MAST4: variants seen among roughly 807,000 people sequenced by gnomAD.
The protein encoded by MAST4 is microtubule-associated serine/threonine-protein kinase 4.
A neutral mutation model predicts 162.7 loss-of-function variants in MAST4; 89 were observed. The ratio of observed to expected loss-of-function variants is 0.55; its 90% CI spans 0.46 to 0.65. The LOEUF (loss-of-function observed/expected upper bound fraction) is 0.65. Ranked by LOEUF, MAST4 falls within the 30% of genes least tolerant of loss-of-function variation. The pLI, the probability that MAST4 is intolerant of heterozygous loss-of-function variation, is 0.00. For synonymous variants in MAST4, 1,479 were observed against 1,361.1 expected, an observed-to-expected ratio of 1.09 and a Z score of -1.91; for missense variants, 3,153 against 3,374.0, an observed-to-expected ratio of 0.93 and a Z score of 1.62.
chr5:66,780,968 A>C (rs2149660181), intron 2 of MAST4, among the ~76,000 whole-genome samples: 1 of 152,298 alleles, frequency 6.6e-6, no homozygotes, highest in South Asian at 2.1e-4. Flanking sequence ...TCAATACAAT[A>C]TCTCACCTTT....
At chr5:66,774,995 CTGTGTGTGTGTGTGTGTGTG>C (rs33936607) in intron 2 of MAST4, among the ~76,000 whole-genome samples, 3 of 142,028 alleles carry the variant, frequency 2.1e-5, no homozygotes, top group South Asian at 2.4e-4. Flanking sequence ...TATCCTTTTC[CTGTGTGTGTGTGTGTGTGTG>C]TGTGTGTGTG....
chr5:67,078,930 A>ATATAATATATATATATATATATAT (rs1762236272), intron 5 of MAST4, among the ~76,000 whole-genome samples: 2 of 63,134 alleles, frequency 3.2e-5, no homozygotes, highest in Non-Finnish European at 5.6e-5. Context: ...ATATATATAT[A>ATATAATATATATATATATATATAT]TATATATATA....
At position 67,104,578 on chromosome 5, in the gene MAST4, A is replaced by G. The variant is rs1765382695; in HGVS notation, c.1356+3A>G. The G allele has an allele frequency of 1.9e-6, 3 of 1,610,584 alleles. No individual in the cohort carries two copies. The highest frequency in any genetic ancestry group is 1.7e-6 in the Non-Finnish European group (2 of 1,177,720). ...AATTAGATAAGTTGCTACAGGAGGT[A>G]AGAACCATGTACCATATAGTTTTCT... On this transcript the variant is annotated splice_donor_region_variant and intron_variant, in intron 10 of 28. Coordinates refer to ENST00000403625, the MANE Select transcript of MAST4 (RefSeq NM_001164664.2).
rs1243834059 is a variant in MAST4, at chr5:67,144,773, C to T, written c.2835C>T (p.Ser945=). The T allele has an allele frequency of 6.2e-7, 1 of 1,611,406 alleles. No homozygotes were observed. Among genetic ancestry groups the T allele is most frequent in the Admixed American group, 1.7e-5 (1 of 59,556 alleles). The change falls in exon 22 of 29, where the codon AGC becomes AGT. Residue 945 remains serine (S), a synonymous_variant. Coordinates refer to ENST00000403625, the MANE Select transcript of MAST4 (RefSeq NM_001164664.2). ...CCTTGCCATCCACAGAAACACTGAGCTGGAGTTCAGAATATTCTGAAATGT... is the reference window on the plus strand; with the variant it reads ...CCTTGCCATCCACAGAAACACTGAGTTGGAGTTCAGAATATTCTGAAATGT... ...STTLPSTETL[S]WSSEYSEMQQ... is the part of the protein sequence containing the mutation.
chr5:66,947,180 C>A (rs905443362), intron 4 of MAST4, among the ~76,000 whole-genome samples: 1 of 151,816 alleles, frequency 6.6e-6, no homozygotes, highest in African/African-American at 2.4e-5. Flanking sequence ...CCTCTGGATT[C>A]TTTATTGTTG....
intron 2 of MAST4, among the ~76,000 whole-genome samples, chr5:66,769,200 A>G (rs2149633107): frequency 6.6e-6 from 1 of 152,304 alleles, no homozygotes; most frequent in East Asian, 1.9e-4. Context: ...AAACAGAGAG[A>G]GGCCTGGTCA....
At chr5:66,692,499 C>A (rs964402190) in intron 1 of MAST4, among the ~76,000 whole-genome samples, 1 of 151,778 alleles carries the variant, frequency 6.6e-6, no homozygotes, top group Non-Finnish European at 1.5e-5. Flanking sequence ...CATCTTCCAT[C>A]CCTGGGAGAT....
chr5:66,691,658 G>A (rs748945713), intron 1 of MAST4, among the ~76,000 whole-genome samples: 3 of 152,134 alleles, frequency 2.0e-5, no homozygotes, highest in Non-Finnish European at 4.4e-5. Context: ...ACTTCTTGCT[G>A]TGTCTTCACT....
chr5:66,973,626 C>A (rs1046521179), intron 4 of MAST4, among the ~76,000 whole-genome samples: 2 of 152,070 alleles, frequency 1.3e-5, no homozygotes, highest in Non-Finnish European at 2.9e-5. Context: ...ATTTTTAGTC[C>A]ATATGAATAT....
At chr5:66,861,206 G>A (rs974386591) in intron 3 of MAST4, among the ~76,000 whole-genome samples, 3 of 152,146 alleles carry the variant, frequency 2.0e-5, no homozygotes, top group African/African-American at 7.2e-5. Context: ...CCCTATCTGG[G>A]CTCTAGTGCT....
At chr5:67,116,630 A>G (rs1374209282) in intron 12 of MAST4, among the ~76,000 whole-genome samples, 1 of 151,264 alleles carries the variant, frequency 6.6e-6, no homozygotes, top group Non-Finnish European at 1.5e-5. Context: ...AGCCTGGCCA[A>G]CATGGTGAAA....
chr5:67,094,560 C>T (rs1023460628), intron 6 of MAST4, among the ~76,000 whole-genome samples: 3 of 151,726 alleles, frequency 2.0e-5, no homozygotes, highest in African/African-American at 7.3e-5. Flanking sequence ...TGTGTTTTTC[C>T]TTTTTTTTGC....
rs115059206 is a variant in MAST4 at position 66,749,855 on chromosome 5, A to G, written c.364-9854A>G. Among the ~76,000 whole-genome samples the G allele has an allele frequency of 4.0e-3, 603 of 152,300 alleles. 4 individuals are homozygous for G. Among genetic ancestry groups the G allele is most frequent in the African/African-American group, 0.014 (573 of 41,568 alleles). ...TGGAATTAGTATGAAACGAATAATG[A>G]GTGTTTTAACTGTAGAAGCCTGTTC... On this transcript the variant is annotated intron_variant, in intron 1 of 28. Coordinates refer to ENST00000403625, the MANE Select transcript of MAST4 (RefSeq NM_001164664.2).
chr5:67,158,242 A>G lies in MAST4; in HGVS notation c.3649-2214A>G, dbSNP rs535694286. ...GAACAACTAGAATGCCATCTCTACT[A>G]TCAGATAAAGGTTTATTTTTAATGT... On this transcript the variant is annotated intron_variant, in intron 26 of 28. Coordinates refer to ENST00000403625, the MANE Select transcript of MAST4 (RefSeq NM_001164664.2). Among the ~76,000 whole-genome samples, 5 of 152,366 alleles carry G rather than the reference A, an allele frequency of 3.3e-5. No homozygotes were observed. The South Asian group carries it at 1.0e-3, about 32-fold the overall frequency.
At chr5:67,050,404 G>A (rs569716243) in intron 4 of MAST4, among the ~76,000 whole-genome samples, 1 of 152,068 alleles carries the variant, frequency 6.6e-6, no homozygotes, top group African/African-American at 2.4e-5. Context: ...ATTCTTACAC[G>A]CAGTGTTCTG....
At chr5:66,906,273 GC>G (rs1253922330) in intron 4 of MAST4, among the ~76,000 whole-genome samples, 5 of 152,162 alleles carry the variant, frequency 3.3e-5, no homozygotes, top group Non-Finnish European at 5.9e-5. Flanking sequence ...TCTTATCATG[GC>G]CTGAACTAGT....
chr5:66,741,612 TGTACCTTTA>T (rs1330349361), intron 1 of MAST4, among the ~76,000 whole-genome samples: 1 of 152,178 alleles, frequency 6.6e-6, no homozygotes, highest in Non-Finnish European at 1.5e-5. Flanking sequence ...AGGTCAGGAA[TGTACCTTTA>T]GTGGATATAG....
chr5:66,870,968 A>T (rs113766963), intron 3 of MAST4: 1 of 396,862 alleles, frequency 2.5e-6, no homozygotes, highest in Non-Finnish European at 5.1e-6. Context: ...TAGAATATGG[A>T]TATTGAGAGG....
chr5:67,077,013 T>A (rs551575253), intron 5 of MAST4, among the ~76,000 whole-genome samples: 21 of 152,250 alleles, frequency 1.4e-4, no homozygotes, highest in African/African-American at 5.1e-4. Flanking sequence ...GCCCTGTAGG[T>A]TCTAAAGCCT....
Sources: allele counts gnomAD v4.1 joint callset (sites outside exome capture counted in the v4.1 genomes callset), GRCh38; gene constraint gnomAD v4.1.1; transcripts MANE v1.5; gene names NCBI Gene and HGNC (gene_info 2026-07-23, HGNC 2026-07-21).